BDH2: variants seen among roughly 807,000 people sequenced by gnomAD.
BDH2 encodes the protein 3-hydroxybutyrate dehydrogenase 2.
Under a neutral mutation model 33.2 loss-of-function variants are expected in BDH2, and 24 were observed. The observed-to-expected ratio is 0.72, with a 90% CI of 0.52 to 1.02. The LOEUF (loss-of-function observed/expected upper bound fraction) is 1.02. Ranked by LOEUF, BDH2 falls within the 50% of genes least tolerant of loss-of-function variation. BDH2 has a pLI of 0.00. For missense variants in BDH2, 249 were observed against 301.6 expected (o/e 0.83, Z 1.29); for synonymous variants, 81 against 101.6 (o/e 0.80, Z 1.22).
intron 7 of BDH2, among the ~76,000 whole-genome samples, chr4:103,084,519 G>C (rs891215113): frequency 6.6e-6 from 1 of 152,112 alleles, no homozygotes; most frequent in Non-Finnish European, 1.5e-5. Flanking sequence ...AAGTCCAGTC[G>C]CTGAAACAAC....
chr4:103,083,669 G>GC (rs140214719), intron 7 of BDH2, among the ~76,000 whole-genome samples: 36,654 of 151,974 alleles, frequency 0.24, 4,778 homozygotes, highest in Middle Eastern at 0.35. Flanking sequence ...TCTTTAGAGG[G>GC]CCCTTTTTCA....
At chr4:103,089,176 A>G (rs1298141362) in intron 5 of BDH2, among the ~76,000 whole-genome samples, 1 of 152,204 alleles carries the variant, frequency 6.6e-6, no homozygotes, top group African/African-American at 2.4e-5. Flanking sequence ...TTCCCCTGGA[A>G]AGTTCTAACA....
intron 7 of BDH2, among the ~76,000 whole-genome samples, chr4:103,084,881 C>T (rs1306690003): frequency 2.6e-5 from 4 of 151,698 alleles, no homozygotes; most frequent in Non-Finnish European, 5.9e-5. Flanking sequence ...GAAAGGTCCC[C>T]AGGTCATATT....
rs1390914034 is a variant in BDH2, at chr4:103,099,823, G to C, written c.-61C>G. 1 of 152,204 alleles carries C rather than the reference G, an allele frequency of 6.6e-6. No homozygotes were observed. Among genetic ancestry groups the C allele is most frequent in the Non-Finnish European group, 1.5e-5 (1 of 68,032 alleles). The allele number at this position is 152,204 out of a possible 1,614,324, so 9.4% of individuals were successfully genotyped here. ...GATGGCGTTCTCCAGAACTCGGTTT[G>C]AGCAACAAACTTGAGACAACCTTTG... On this transcript the variant is annotated 5_prime_UTR_variant, in exon 1 of 10. Coordinates refer to ENST00000296424, the MANE Select transcript of BDH2 (RefSeq NM_020139.4).
intron 5 of BDH2, among the ~76,000 whole-genome samples, chr4:103,087,799 T>C (rs1235216500): frequency 6.6e-6 from 1 of 152,158 alleles, no homozygotes; most frequent in African/African-American, 2.4e-5. Context: ...TTATAACATG[T>C]ACATAGAAGT....
chr4:103,091,503 A>G (rs1748087549), intron 4 of BDH2: 1 of 461,336 alleles, frequency 2.2e-6, no homozygotes, highest in Non-Finnish European at 4.0e-6. Context: ...TTGTTTTCCA[A>G]ACAAAAGTAT....
At chr4:103,089,433 C>T (rs923775189) in intron 5 of BDH2, among the ~76,000 whole-genome samples, 1 of 151,058 alleles carries the variant, frequency 6.6e-6, no homozygotes, top group African/African-American at 2.5e-5. Context: ...GGCACTAATA[C>T]CATATTCCTG....
Position 103,078,640 on chromosome 4 carries a change from A to G in BDH2, c.*1062T>C, listed in dbSNP as rs1747356324. ...TTACTCCTTTTACTGTAAGCTATTGAAGCCAAACTCCTTCCTACCTTTGTT... is the reference window on the plus strand; with the variant it reads ...TTACTCCTTTTACTGTAAGCTATTGGAGCCAAACTCCTTCCTACCTTTGTT... On this transcript the variant is annotated 3_prime_UTR_variant, in exon 10 of 10. Transcript: ENST00000296424. 6.6e-6 allele frequency among the ~76,000 whole-genome samples: 1 copy of G among 152,212 alleles called. No homozygotes were observed. Among genetic ancestry groups the G allele is most frequent in the Admixed American group, 6.5e-5 (1 of 15,276 alleles).
chr4:103,085,678 T>G, intron 6 of BDH2: 1 of 1,481,750 alleles, frequency 6.7e-7, no homozygotes, highest in Non-Finnish European at 9.0e-7. Flanking sequence ...AATTGAGACT[T>G]AATTGAAATG....
chr4:103,088,949 C>T (rs1209409509), intron 5 of BDH2, among the ~76,000 whole-genome samples: 1 of 152,154 alleles, frequency 6.6e-6, no homozygotes, highest in African/African-American at 2.4e-5. Flanking sequence ...AAAGATATCC[C>T]CAAATCTTTG....
rs746994807 is a variant in BDH2 at position 103,095,207 on chromosome 4, G to C, written c.147C>G (p.Tyr49Ter). The stretch of plus-strand genomic sequence containing the variant: ...TCAAGCTGCTGAGTTGCTTACCCGG[G>C]TACTTTTCCAGTTCCTGAAGTTTGG... Reference protein sequence around the residue: ...NESKLQELEKYPGIQTRVLDV... With the variant: ...NESKLQELEK The change falls in exon 3 of 10, where the codon TAC becomes TAG. Residue 49 changes from tyrosine (Y) to a stop codon, truncating the protein, a stop_gained. Transcript: ENST00000296424. LOFTEE classifies it high-confidence loss of function. The C allele has an allele frequency of 1.9e-6, 3 of 1,613,392 alleles. No individual in the cohort carries two copies. The East Asian group carries it at 6.7e-5, about 36-fold the overall frequency.
chr4:103,081,170 T>C (rs1578497864), intron 9 of BDH2, among the ~76,000 whole-genome samples: 1 of 152,374 alleles, frequency 6.6e-6, no homozygotes, highest in East Asian at 1.9e-4. Flanking sequence ...AGCATCATTT[T>C]TGCTTTCATC....
chr4:103,083,886 G>T (rs1747641156), intron 7 of BDH2, among the ~76,000 whole-genome samples: 2 of 152,086 alleles, frequency 1.3e-5, no homozygotes, highest in African/African-American at 4.8e-5. Context: ...ACTCCATTTT[G>T]GAACCCCCTC....
rs1326297463 is a variant in BDH2 at position 103,078,704 on chromosome 4, A to G, written c.*998T>C. On this transcript the variant is annotated 3_prime_UTR_variant, in exon 10 of 10. Coordinates refer to ENST00000296424, the MANE Select transcript of BDH2 (RefSeq NM_020139.4). Reference sequence around the variant, plus strand: ...GTAAAATTTTAAAATTAGGATCTACATACAGAACAATGCAGAATTATATAA... The same window carrying G: ...GTAAAATTTTAAAATTAGGATCTACGTACAGAACAATGCAGAATTATATAA... Among the ~76,000 whole-genome samples, 5 of 152,224 alleles carry G rather than the reference A, an allele frequency of 3.3e-5. No homozygotes were observed. The highest frequency in any genetic ancestry group is 5.9e-5 in the Non-Finnish European group (4 of 68,040).
In BDH2 at chr4:103,079,027, A is replaced by G. The variant is rs1203533545; in HGVS notation, c.*675T>C. Among the ~76,000 whole-genome samples, 6 of 152,222 alleles carry G rather than the reference A, an allele frequency of 3.9e-5. No homozygotes were observed. Among genetic ancestry groups the G allele is most frequent in the Admixed American group, 3.9e-4 (6 of 15,290 alleles). ...ACCCCCATCTCCCCCACAAAAAAAC[A>G]AAAACTTCCTTTTTTCTTCATATTT... On this transcript the variant is annotated 3_prime_UTR_variant, in exon 10 of 10. Transcript: ENST00000296424.
Position 103,093,550 on chromosome 4 carries a change from G to T in BDH2, c.152-854C>A, listed in dbSNP as rs867354617. Among the ~76,000 whole-genome samples, 5 of 148,012 alleles carry T rather than the reference G, an allele frequency of 3.4e-5. No homozygotes were observed. The Admixed American group carries it at 3.4e-4, about 10-fold the overall frequency. The stretch of plus-strand genomic sequence containing the variant: ...TATATACACATATTATTTATAATGT[G>T]CATAATATATATTATAACATATAGT... On this transcript the variant is annotated intron_variant, in intron 3 of 9. Coordinates refer to ENST00000296424, the MANE Select transcript of BDH2 (RefSeq NM_020139.4).
In BDH2 at chr4:103,077,871, C is replaced by T. The variant is rs1747311451; in HGVS notation, c.*1831G>A. Among the ~76,000 whole-genome samples the T allele has an allele frequency of 6.6e-6, 1 of 152,092 alleles. No individual in the cohort carries two copies. The highest frequency in any genetic ancestry group is 2.4e-5 in the African/African-American group (1 of 41,406). ...GGGTGACTTGGTCTAGATCACAAACCAAAGTTAGCCATAATTCGGTAGTGT... is the reference window on the plus strand; with the variant it reads ...GGGTGACTTGGTCTAGATCACAAACTAAAGTTAGCCATAATTCGGTAGTGT... On this transcript the variant is annotated 3_prime_UTR_variant, in exon 10 of 10. Coordinates refer to ENST00000296424, the MANE Select transcript of BDH2 (RefSeq NM_020139.4).
intron 9 of BDH2, among the ~76,000 whole-genome samples, chr4:103,079,988 C>T (rs767867135): frequency 1.8e-4 from 27 of 152,332 alleles, no homozygotes; most frequent in Admixed American, 3.3e-4. Flanking sequence ...GCACCTGTCA[C>T]TGTTAGGTAT....
chr4:103,085,336 G>A lies in BDH2; in HGVS notation c.532+13C>T, dbSNP rs1747725313. On this transcript the variant is annotated intron_variant, in intron 7 of 9. Coordinates refer to ENST00000296424, the MANE Select transcript of BDH2 (RefSeq NM_020139.4). ...GTAAAACTTTGCTTACAAAACAGGT[G>A]TGCCTTACTCACCTGGGCACACACA... The A allele has an allele frequency of 2.5e-6, 4 of 1,595,626 alleles. No individual in the cohort carries two copies. The African/African-American group carries it at 5.4e-5, about 21-fold the overall frequency.
Sources: gnomAD v4.1 joint callset for allele counts (sites outside exome capture counted in the v4.1 genomes callset) on GRCh38, gnomAD v4.1.1 for gene constraint, MANE v1.5 for transcripts, NCBI Gene and HGNC (gene_info 2026-07-23, HGNC 2026-07-21) for gene names.